Variants in PTPN13 observed in about 807,000 individuals in gnomAD.
The protein encoded by PTPN13 is protein tyrosine phosphatase non-receptor type 13.
In PTPN13, 191 loss-of-function variants were observed where a neutral mutation model predicts 284.0. The ratio of observed to expected loss-of-function variants is 0.67; its 90% CI spans 0.60 to 0.76. The LOEUF (loss-of-function observed/expected upper bound fraction) is 0.76, where lower values mean the gene tolerates loss of function less well. Ranked by LOEUF, PTPN13 falls within the 30% of genes least tolerant of loss-of-function variation. The pLI, the probability that PTPN13 is intolerant of heterozygous loss-of-function variation, is 0.00. For missense variants in PTPN13, 2,797 were observed against 2,939.9 expected (o/e 0.95, Z 1.12); for synonymous variants, 986 against 1,022.3 (o/e 0.96, Z 0.68).
intron 8 of PTPN13, 32 bp downstream of exon 8, chr4:86,716,657 T>C: frequency 7.6e-7 from 1 of 1,312,522 alleles, no homozygotes; most frequent in Non-Finnish European, 1.1e-6. Flanking sequence ...CAAACTGTTT[T>C]TAAGAAACCA....
At chr4:86,597,500 T>C (rs751479542) in intron 1 of PTPN13, among the ~76,000 whole-genome samples, 1 of 152,250 alleles carries the variant, frequency 6.6e-6, no homozygotes, top group African/African-American at 2.4e-5. Context: ...TGTAGGACTT[T>C]TAATGGCTTA....
chr4:86,753,485 A>G (rs1357862236), intron 20 of PTPN13, among the ~76,000 whole-genome samples: 1 of 152,044 alleles, frequency 6.6e-6, no homozygotes, highest in African/African-American at 2.4e-5. Flanking sequence ...AAAGAAATTT[A>G]GGGAACTGCA....
At chr4:86,710,138 A>G (rs1732226423) in intron 7 of PTPN13, among the ~76,000 whole-genome samples, 1 of 152,216 alleles carries the variant, frequency 6.6e-6, no homozygotes, top group Admixed American at 6.5e-5. Flanking sequence ...TGAATACATA[A>G]TATTATTACT....
intron 6 of PTPN13, among the ~76,000 whole-genome samples, chr4:86,698,628 G>A (rs1469277651): frequency 1.3e-5 from 2 of 152,158 alleles, no homozygotes; most frequent in East Asian, 3.9e-4. Context: ...AGGAAAGCAG[G>A]TATGTAAAGA....
chr4:86,728,295 A>T (rs557156203), intron 10 of PTPN13, among the ~76,000 whole-genome samples: 3 of 149,448 alleles, frequency 2.0e-5, no homozygotes, highest in Non-Finnish European at 3.0e-5. Flanking sequence ...CATTCTGTTG[A>T]TTTGGGGTGG....
At chr4:86,634,054 C>T (rs1722751206) in intron 1 of PTPN13, among the ~76,000 whole-genome samples, 1 of 152,126 alleles carries the variant, frequency 6.6e-6, no homozygotes, top group African/African-American at 2.4e-5. Flanking sequence ...AAGGACAAGA[C>T]TGGCCTCATT....
At chr4:86,773,581 C>G (rs1740249741) in intron 32 of PTPN13, among the ~76,000 whole-genome samples, 2 of 151,712 alleles carry the variant, frequency 1.3e-5, no homozygotes, top group Admixed American at 1.3e-4. Flanking sequence ...TTTTATTATC[C>G]AAGTAATAAA....
intron 3 of PTPN13, among the ~76,000 whole-genome samples, chr4:86,674,781 A>G (rs1278943125): frequency 1.3e-5 from 2 of 152,236 alleles, no homozygotes; most frequent in Non-Finnish European, 2.9e-5. Context: ...GTTATGTATC[A>G]TGAAGGTATT....
At chr4:86,742,901 C>G (rs1217254803) in intron 16 of PTPN13, among the ~76,000 whole-genome samples, 2 of 152,132 alleles carry the variant, frequency 1.3e-5, no homozygotes, top group Non-Finnish European at 2.9e-5. Flanking sequence ...CCACACTAAC[C>G]CACATATATA....
chr4:86,618,646 C>A (rs949660093), intron 1 of PTPN13, among the ~76,000 whole-genome samples: 2 of 152,098 alleles, frequency 1.3e-5, no homozygotes, highest in African/African-American at 4.8e-5. Flanking sequence ...CCTTCACATC[C>A]CTTGTAAGTT....
intron 10 of PTPN13, among the ~76,000 whole-genome samples, chr4:86,724,025 T>C (rs796834706): frequency 1.4e-4 from 22 of 152,312 alleles, no homozygotes; most frequent in African/African-American, 5.3e-4. Flanking sequence ...GAAAATTGCA[T>C]TGAACTACAA....
chr4:86,746,634 T>G (rs1736792330), intron 17 of PTPN13, among the ~76,000 whole-genome samples: 1 of 152,080 alleles, frequency 6.6e-6, no homozygotes, highest in Non-Finnish European at 1.5e-5. Flanking sequence ...TGTTTTTTTT[T>G]GTTTTGTTTT....
intron 47 of PTPN13, 57 bp downstream of exon 47, chr4:86,811,165 A>T: frequency 6.6e-7 from 1 of 1,514,382 alleles, no homozygotes; most frequent in South Asian, 1.2e-5. Context: ...AATATTTTTT[A>T]AGGTTCTTAT....
Position 86,688,965 on chromosome 4 carries a change from C to T in PTPN13, c.361-40C>T, listed in dbSNP as rs781526567. On this transcript the variant is annotated intron_variant, in intron 4 of 47. Coordinates refer to ENST00000411767, the MANE Select transcript of PTPN13 (RefSeq NM_080683.3). ...TTTGTCTCATTAGAAAAAATATTTGCTCACATTTACTCACTGGCTTTTCCT... is the reference window on the plus strand; with the variant it reads ...TTTGTCTCATTAGAAAAAATATTTGTTCACATTTACTCACTGGCTTTTCCT... 9 of 1,469,954 alleles carry T rather than the reference C, an allele frequency of 6.1e-6. No individual in the cohort carries two copies. The Admixed American group carries it at 1.4e-4, about 23-fold the overall frequency. The allele number at this position is 1,469,954 out of a possible 1,614,324, so 91.1% of individuals were successfully genotyped here. A position where few individuals can be genotyped will look rare whatever the true frequency, so the allele number is the denominator to read the frequency against.
At chr4:86,617,828 C>CT (rs1374364546) in intron 1 of PTPN13, among the ~76,000 whole-genome samples, 1 of 152,030 alleles carries the variant, frequency 6.6e-6, no homozygotes, top group East Asian at 1.9e-4. Flanking sequence ...GATATTAGCC[C>CT]TTTGTCAGAT....
intron 15 of PTPN13, among the ~76,000 whole-genome samples, chr4:86,740,215 C>T (rs1463119795): frequency 6.6e-6 from 1 of 152,248 alleles, no homozygotes; most frequent in African/African-American, 2.4e-5. Context: ...TCCAACCCCA[C>T]ATTTCCCTTC....
At chr4:86,655,043 A>T (rs972851217) in intron 2 of PTPN13, among the ~76,000 whole-genome samples, 4 of 152,112 alleles carry the variant, frequency 2.6e-5, no homozygotes, top group Non-Finnish European at 4.4e-5. Context: ...AGTCTGTTTT[A>T]TCAGAGACTA....
At chr4:86,669,421 C>T (rs1324359014) in intron 2 of PTPN13, among the ~76,000 whole-genome samples, 2 of 150,664 alleles carry the variant, frequency 1.3e-5, no homozygotes, top group African/African-American at 4.9e-5. Context: ...TACATATGTA[C>T]CAAAACATTA....
chr4:86,698,136 T>A (rs1330966683), intron 6 of PTPN13, among the ~76,000 whole-genome samples: 1 of 152,150 alleles, frequency 6.6e-6, no homozygotes, highest in Non-Finnish European at 1.5e-5. Flanking sequence ...GGCAGTGGAA[T>A]TAGAATACAT....
Sources: allele counts gnomAD v4.1 joint callset (sites outside exome capture counted in the v4.1 genomes callset), GRCh38; gene constraint gnomAD v4.1.1; transcripts MANE v1.5; gene names NCBI Gene and HGNC (gene_info 2026-07-23, HGNC 2026-07-21).